The following RPS6KC1 variants were observed in gnomAD, a reference collection of about 807,000 sequenced individuals.
RPS6KC1 encodes inactive ribosomal protein S6 kinase delta-1.
Under a neutral mutation model 103.8 loss-of-function variants are expected in RPS6KC1, and 54 were observed. The ratio of observed to expected loss-of-function variants is 0.52; its 90% CI spans 0.42 to 0.65. The LOEUF is 0.65. Among genes scored for constraint, RPS6KC1 ranks in the 30% least tolerant of loss-of-function variants. The pLI, the probability that RPS6KC1 is intolerant of heterozygous loss-of-function variation, is 0.00. For synonymous variants in RPS6KC1, 439 were observed against 438.7 expected (o/e 1.00, Z -0.01); for missense variants, 1,151 against 1,253.8 (o/e 0.92, Z 1.24).
rs1323138664 is a variant in RPS6KC1 at position 213,122,896 on chromosome 1, A to G, written c.472+5486A>G. ...AGATAGCCACAAATGAGAATGTACC[A>G]GTGTGTGTAAATGATACACATGACA... On this transcript the variant is annotated intron_variant, in intron 5 of 14. Coordinates refer to ENST00000366960, the MANE Select transcript of RPS6KC1 (RefSeq NM_012424.6). 7.9e-5 allele frequency among the ~76,000 whole-genome samples: 12 copies of G among 152,142 alleles called. 1 individual carries two copies. In the South Asian group the frequency reaches 2.5e-3, roughly 31 times the overall value.
the RPS6KC1 span, among the ~76,000 whole-genome samples, chr1:213,289,232 T>C: frequency 2.4e-5 from 2 of 85,054 alleles, no homozygotes; most frequent in Admixed American, 3.8e-4. Flanking sequence ...GCAAAAGAAT[T>C]AATCTGGGGA....
chr1:213,355,625 C>T, the RPS6KC1 span, among the ~76,000 whole-genome samples: 1 of 152,106 alleles, frequency 6.6e-6, no homozygotes, highest in East Asian at 1.9e-4. Context: ...CTTTAATTAC[C>T]TAAACTTGAA....
chr1:213,379,055 A>G, the RPS6KC1 span, among the ~76,000 whole-genome samples: 1 of 152,274 alleles, frequency 6.6e-6, no homozygotes, highest in South Asian at 2.1e-4. Flanking sequence ...TTGTTTTCAG[A>G]TGGTCCTATT....
chr1:213,601,662 G>A, the RPS6KC1 span, among the ~76,000 whole-genome samples: 1 of 151,860 alleles, frequency 6.6e-6, no homozygotes, highest in African/African-American at 2.4e-5. Context: ...TGAGGATGAA[G>A]CTCCTTAGAT....
chr1:213,224,002 A>G (rs1034487938), intron 8 of RPS6KC1, among the ~76,000 whole-genome samples: 3 of 152,180 alleles, frequency 2.0e-5, no homozygotes, highest in Non-Finnish European at 4.4e-5. Flanking sequence ...TTAAATATCT[A>G]AAAAGATTCA....
the RPS6KC1 span, among the ~76,000 whole-genome samples, chr1:213,673,025 G>T: frequency 2.6e-5 from 4 of 152,150 alleles, no homozygotes; most frequent in Admixed American, 6.5e-5. Context: ...AAAAGAGATA[G>T]AGTTCTACAT....
the RPS6KC1 span, among the ~76,000 whole-genome samples, chr1:213,385,133 A>G: frequency 6.6e-6 from 1 of 152,208 alleles, no homozygotes; most frequent in Non-Finnish European, 1.5e-5. Context: ...AGCAGCAGTA[A>G]CTTTAAAAAT....
At chr1:213,712,985 G>T in the RPS6KC1 span, among the ~76,000 whole-genome samples, 1 of 152,008 alleles carries the variant, frequency 6.6e-6, no homozygotes. Flanking sequence ...TCGGTTTTTG[G>T]TTACTGTAAA....
chr1:213,156,254 C>A, intron 6 of RPS6KC1, among the ~76,000 whole-genome samples: 1 of 151,934 alleles, frequency 6.6e-6, no homozygotes, highest in East Asian at 1.9e-4. Context: ...ATTAGATTTT[C>A]CAGAAGGAAA....
the RPS6KC1 span, among the ~76,000 whole-genome samples, chr1:213,808,733 G>A: frequency 7.9e-5 from 12 of 152,182 alleles, no homozygotes; most frequent in African/African-American, 2.4e-4. Flanking sequence ...TGTGCTTCCC[G>A]AGTGAGGCAA....
chr1:213,296,271 C>T, the RPS6KC1 span, among the ~76,000 whole-genome samples: 5 of 152,242 alleles, frequency 3.3e-5, no homozygotes, highest in South Asian at 4.2e-4. Flanking sequence ...CTCAGAATCT[C>T]GACAATACAC....
chr1:213,511,970 A>G, the RPS6KC1 span, among the ~76,000 whole-genome samples: 6,284 of 152,324 alleles, frequency 0.041, 185 homozygotes, highest in African/African-American at 0.084. Context: ...TCCTGCAGCC[A>G]GAACACCACC....
At chr1:213,644,152 A>G in the RPS6KC1 span, among the ~76,000 whole-genome samples, 1 of 152,100 alleles carries the variant, frequency 6.6e-6, no homozygotes, top group Admixed American at 6.6e-5. Context: ...ATATTTATCC[A>G]TCTAAAAATA....
chr1:213,708,464 C>A, the RPS6KC1 span, among the ~76,000 whole-genome samples: 1 of 152,050 alleles, frequency 6.6e-6, no homozygotes, highest in Non-Finnish European at 1.5e-5. Context: ...TCTAAATAAA[C>A]AATTATGTCT....
chr1:213,243,724 A>C (rs903704797), intron 12 of RPS6KC1, among the ~76,000 whole-genome samples: 1 of 152,022 alleles, frequency 6.6e-6, no homozygotes, highest in African/African-American at 2.4e-5. Context: ...GAGTCACTTC[A>C]CCTGTTGCCC....
At chr1:213,795,689 C>T in the RPS6KC1 span, among the ~76,000 whole-genome samples, 3 of 151,982 alleles carry the variant, frequency 2.0e-5, no homozygotes, top group Non-Finnish European at 4.4e-5. Flanking sequence ...TTGCTCAGAC[C>T]CTGGAATAGT....
At chr1:213,261,711 C>CCGAGGCGGGCGGA in intron 13 of RPS6KC1, 71 bp downstream of exon 13, 1 of 1,318,806 alleles carries the variant, frequency 7.6e-7, no homozygotes, top group Non-Finnish European at 1.1e-6. Context: ...GAACATTAGC[C>CCGAGGCGGGCGGA]TTCACCCTTA....
chr1:213,196,507 T>C (rs2092953759), intron 8 of RPS6KC1, among the ~76,000 whole-genome samples: 1 of 152,204 alleles, frequency 6.6e-6, no homozygotes, highest in Admixed American at 6.5e-5. Flanking sequence ...CTATTTATCT[T>C]TGTTTTTATT....
the RPS6KC1 span, among the ~76,000 whole-genome samples, chr1:213,546,920 T>C: frequency 2.0e-5 from 3 of 152,224 alleles, no homozygotes; most frequent in African/African-American, 7.2e-5. Flanking sequence ...GGCATGCACA[T>C]GTGGGTCTAG....
Sources: allele counts gnomAD v4.1 joint callset (sites outside exome capture counted in the v4.1 genomes callset), GRCh38; gene constraint gnomAD v4.1.1; transcripts MANE v1.5; gene names NCBI Gene and HGNC (gene_info 2026-07-23, HGNC 2026-07-21).